The following DAPK2 variants were observed in gnomAD, a reference collection of about 807,000 sequenced individuals.
DAPK2 encodes the protein death associated protein kinase 2.
A neutral mutation model predicts 44.1 loss-of-function variants in DAPK2; 35 were observed. The ratio of observed to expected loss-of-function variants is 0.79; its 90% confidence interval spans 0.61 to 1.05. The LOEUF (loss-of-function observed/expected upper bound fraction) is 1.05, where lower values mean the gene tolerates loss of function less well. Ranked by LOEUF, DAPK2 falls within the 50% of genes least tolerant of loss-of-function variation. The pLI is 0.00. For missense variants in DAPK2, 453 were observed against 483.2 expected, an observed-to-expected ratio of 0.94 and a Z score of 0.59; for synonymous variants, 174 against 182.6, an observed-to-expected ratio of 0.95 and a Z score of 0.38.
At chr15:64,016,140 G>A (rs1485244754) in intron 1 of DAPK2, among the ~76,000 whole-genome samples, 5 of 152,198 alleles carry the variant, frequency 3.3e-5, no homozygotes, top group South Asian at 4.1e-4. Flanking sequence ...CCATAAGCAG[G>A]AAAGTCCTCC....
chr15:63,922,320 G>A, intron 8 of DAPK2: 1 of 998,988 alleles, frequency 1.0e-6, no homozygotes, highest in Non-Finnish European at 1.2e-6. Flanking sequence ...GCACCATGCT[G>A]ACTTAGTTAT....
At chr15:64,040,260 A>G (rs779793659) in exon 1 of DAPK2, 2 of 1,613,794 alleles carry the variant, frequency 1.2e-6, no homozygotes, top group African/African-American at 1.3e-5. Context: ...GGCCTGGAAC[A>G]TACAATCCTG....
rs2079160741 is a variant in DAPK2, at chr15:63,923,840, T to C, written c.858+976A>G. On this transcript the variant is annotated intron_variant, in intron 8 of 10. Transcript: ENST00000261891. The surrounding 1 kb of genome is among the most constrained non-coding windows in gnomAD (Gnocchi z 4.2). ...CCACAGGCCTCACCTTCTCTTTGTATTGATTGATTGATTATTATTTTTTAG... is the reference window on the plus strand; with the variant it reads ...CCACAGGCCTCACCTTCTCTTTGTACTGATTGATTGATTATTATTTTTTAG... Among the ~76,000 whole-genome samples, 1 of 152,154 alleles carries C rather than the reference T, an allele frequency of 6.6e-6. No individual in the cohort carries two copies. Among genetic ancestry groups the C allele is most frequent in the African/African-American group, 2.4e-5 (1 of 41,434 alleles).
At position 63,951,058 on chromosome 15, in the gene DAPK2, C is replaced by G. The variant is rs1186782183; in HGVS notation, c.454-11697G>C. On this transcript the variant is annotated intron_variant, in intron 3 of 10. Coordinates refer to ENST00000261891, the Ensembl canonical transcript of DAPK2. ...CACTGTTTATATAAAGCAATTCCCC[C>G]CTCCCCGGGGTTCTGGATTCCTGGC... Among the ~76,000 whole-genome samples, 4 of 152,264 alleles carry G rather than the reference C, an allele frequency of 2.6e-5. No homozygotes were observed. The East Asian group carries it at 5.8e-4, about 22-fold the overall frequency.
At chr15:63,927,211 T>C (rs573747119) in intron 6 of DAPK2, among the ~76,000 whole-genome samples, 59 of 152,322 alleles carry the variant, frequency 3.9e-4, no homozygotes, top group Middle Eastern at 3.4e-3. Context: ...ATTATTGTCA[T>C]TGTGAGAACA....
intron 1 of DAPK2, among the ~76,000 whole-genome samples, chr15:63,994,126 A>G (rs1567259748): frequency 6.6e-6 from 1 of 152,192 alleles, no homozygotes; most frequent in Non-Finnish European, 1.5e-5. Context: ...TGACCTGGGC[A>G]TTCATCTTGG....
chr15:63,990,296 G>A lies in DAPK2; in HGVS notation c.93-6542C>T, dbSNP rs1251820742. 6.6e-6 allele frequency among the ~76,000 whole-genome samples: 1 copy of A among 152,102 alleles called. No homozygotes were observed. Among genetic ancestry groups the A allele is most frequent in the Admixed American group, 6.6e-5 (1 of 15,266 alleles). Reference sequence around the variant, plus strand: ...ATACAAAAATTAGCTGGGCATGGTGGTGCACACCTGTAGTCCCAACTACTC... The same window carrying A: ...ATACAAAAATTAGCTGGGCATGGTGATGCACACCTGTAGTCCCAACTACTC... On this transcript the variant is annotated intron_variant, in intron 1 of 10. Coordinates refer to ENST00000261891, the Ensembl canonical transcript of DAPK2. This position sits in a 1 kb window ranked among gnomAD's most constrained non-coding sequence, Gnocchi z 4.3.
At chr15:64,046,360 CGGG>C (rs2080466879), upstream of DAPK2, 1 of 418,254 alleles carries the variant, frequency 2.4e-6, no homozygotes, top group African/African-American at 2.2e-5. The surrounding 1 kb of genome is among the most constrained non-coding windows in gnomAD (Gnocchi z 5.3). Flanking sequence ...GCGGGCGCGG[CGGG>C]CGCGGCGGGC....
At chr15:63,961,977 C>T (rs2077913748) in intron 3 of DAPK2, among the ~76,000 whole-genome samples, 1 of 152,206 alleles carries the variant, frequency 6.6e-6, no homozygotes, top group Non-Finnish European at 1.5e-5. Flanking sequence ...CTTTCAGGTA[C>T]ACTAATCAAA....
chr15:63,911,226 C>CAAAAAAA lies in DAPK2; in HGVS notation c.1032+675_1032+681dup, dbSNP rs33985538. 61 of 130,978 alleles carry CAAAAAAA rather than the reference C, an allele frequency of 4.7e-4. No homozygotes were observed. In the East Asian group the frequency reaches 4.9e-3, roughly 11 times the overall value. The allele number at this position is 130,978 out of a possible 1,614,324, so 8.1% of individuals were successfully genotyped here. A position where few individuals can be genotyped will look rare whatever the true frequency, so the allele number is the denominator to read the frequency against. Reference sequence around the variant, plus strand: ...AAGAGTGAAACTCTGTCTAAACAAACAAAAAAAAAAAAAAAAAGAAGAAGA... The same window carrying CAAAAAAA: ...AAGAGTGAAACTCTGTCTAAACAAACAAAAAAAAAAAAAAAAAAAAAAAAGAAGAAGA... On this transcript the variant is annotated intron_variant, in intron 10 of 10. Coordinates refer to ENST00000261891, the Ensembl canonical transcript of DAPK2.
intron 1 of DAPK2, among the ~76,000 whole-genome samples, chr15:64,018,893 A>G (rs1418850475): frequency 6.6e-6 from 1 of 152,198 alleles, no homozygotes; most frequent in Non-Finnish European, 1.5e-5. Context: ...GCCAGGTTTG[A>G]GTCCAGGGCC....
At position 63,917,865 on chromosome 15, in the gene DAPK2, T is replaced by C. The variant is rs2078969592; in HGVS notation, c.859-5668A>G. The C allele has an allele frequency of 6.6e-6, 1 of 152,136 alleles. No individual in the cohort carries two copies. The highest frequency in any genetic ancestry group is 6.6e-5 in the Admixed American group (1 of 15,260). The allele number at this position is 152,136 out of a possible 1,614,324, so 9.4% of individuals were successfully genotyped here. On this transcript the variant is annotated intron_variant, in intron 8 of 10. Coordinates refer to ENST00000261891, the Ensembl canonical transcript of DAPK2. This position sits in a 1 kb window ranked among gnomAD's most constrained non-coding sequence, Gnocchi z 4.4. ...ATCAGAATTCCTCTCTCCTTTGATT[T>C]CTAGGAGATGAGGAAGCTCTATTTT...
At chr15:64,045,354 C>T (rs991351092) in intron 1 of DAPK2, among the ~76,000 whole-genome samples, 2 of 152,140 alleles carry the variant, frequency 1.3e-5, no homozygotes, top group Non-Finnish European at 2.9e-5. Flanking sequence ...TGTGAAGAGG[C>T]CAAGGCACCA....
At chr15:64,040,301 C>A (rs2141212095), upstream of DAPK2, 1 of 1,555,726 alleles carries the variant, frequency 6.4e-7, no homozygotes, top group East Asian at 2.2e-5. Flanking sequence ...TTAGGACAGC[C>A]ATCCAAATTA....
chr15:63,910,088 T>G (rs896582336), intron 10 of DAPK2, among the ~76,000 whole-genome samples: 1 of 152,108 alleles, frequency 6.6e-6, no homozygotes, highest in Non-Finnish European at 1.5e-5. Flanking sequence ...AGCCAAACAG[T>G]AAAAAAATAA....
At chr15:63,954,612 A>G (rs1316915530) in intron 3 of DAPK2, among the ~76,000 whole-genome samples, 1 of 152,142 alleles carries the variant, frequency 6.6e-6, no homozygotes, top group Admixed American at 6.6e-5. Flanking sequence ...CTTTTTTCTC[A>G]GGATAGTTTT....
At chr15:63,935,464 A>G (rs1452341619) in intron 4 of DAPK2, 2 of 152,170 alleles carry the variant, frequency 1.3e-5, no homozygotes, top group Non-Finnish European at 2.9e-5. Context: ...CTCTTTGAAG[A>G]TAATATTCCA....
At chr15:63,949,717 C>G (rs1049930763) in intron 3 of DAPK2, among the ~76,000 whole-genome samples, 1 of 152,192 alleles carries the variant, frequency 6.6e-6, no homozygotes, top group African/African-American at 2.4e-5. Context: ...TTTAGAAAAC[C>G]AATGCTACAG....
chr15:63,909,197 C>T (rs2078719816), intron 10 of DAPK2: 1 of 152,238 alleles, frequency 6.6e-6, no homozygotes, highest in Admixed American at 6.5e-5. Flanking sequence ...AATGTCTTTT[C>T]ATCCAAGTCA....
Sources: allele counts gnomAD v4.1 joint callset (sites outside exome capture counted in the v4.1 genomes callset), GRCh38; gene constraint gnomAD v4.1.1; non-coding constraint Gnocchi (gnomAD v3.1); transcripts MANE v1.5; gene names NCBI Gene and HGNC (gene_info 2026-07-23, HGNC 2026-07-21).